The following EPM2A variants were observed in gnomAD, a reference collection of about 807,000 sequenced individuals.
EPM2A encodes the protein EPM2A glucan phosphatase, laforin.
Under a neutral mutation model 26.5 loss-of-function variants are expected in EPM2A, and 21 were observed. The ratio of observed to expected loss-of-function variants is 0.79; its 90% CI spans 0.56 to 1.14. The LOEUF is 1.14. Among genes scored for constraint, EPM2A ranks in the 50% most tolerant of loss-of-function variants. The pLI is 0.00. For synonymous variants in EPM2A, 217 were observed against 177.6 expected (o/e 1.22, Z -1.76); for missense variants, 458 against 440.8 (o/e 1.04, Z -0.35).
At chr6:145,671,534 CTAT>C (rs1466716033) in intron 2 of EPM2A, 1 of 286,092 alleles carries the variant, frequency 3.5e-6, no homozygotes, top group East Asian at 1.7e-4. Context: ...ATTTCCAGAA[CTAT>C]ACTTTTAATA....
intron 2 of EPM2A, among the ~76,000 whole-genome samples, chr6:145,617,816 C>T (rs1582900665): frequency 6.6e-6 from 1 of 152,066 alleles, no homozygotes; most frequent in African/African-American, 2.4e-5. Flanking sequence ...ATGGCAAACA[C>T]CGGTAGTCCC....
At chr6:145,406,410 T>C (rs1778570196) in intron 4 of EPM2A, among the ~76,000 whole-genome samples, 1 of 152,190 alleles carries the variant, frequency 6.6e-6, no homozygotes, top group South Asian at 2.1e-4. Context: ...AATGGCACTG[T>C]TATTGAAACT....
At chr6:145,584,870 C>T (rs1245968469) in intron 2 of EPM2A, among the ~76,000 whole-genome samples, 5 of 152,144 alleles carry the variant, frequency 3.3e-5, no homozygotes, top group Non-Finnish European at 5.9e-5. Context: ...TGTCCTGGTC[C>T]CTCCATGGGA....
intron 2 of EPM2A, among the ~76,000 whole-genome samples, chr6:145,507,162 T>G (rs1779987813): frequency 6.6e-6 from 1 of 152,240 alleles, no homozygotes; most frequent in South Asian, 2.1e-4. Flanking sequence ...TGCATTTTTA[T>G]TTCACCTTGG....
chr6:145,583,224 G>T (rs1217714743), intron 2 of EPM2A, among the ~76,000 whole-genome samples: 1 of 152,224 alleles, frequency 6.6e-6, no homozygotes, highest in Non-Finnish European at 1.5e-5. Context: ...GAGGTAAGAA[G>T]ACACTCTGGC....
At chr6:145,663,786 G>A (rs1778933295) in intron 2 of EPM2A, among the ~76,000 whole-genome samples, 1 of 113,276 alleles carries the variant, frequency 8.8e-6, no homozygotes, top group Non-Finnish European at 1.9e-5. Flanking sequence ...TACCCTCAAA[G>A]GGAAGCCCAT....
intron 2 of EPM2A, among the ~76,000 whole-genome samples, chr6:145,681,067 C>A (rs1780492126): frequency 6.6e-6 from 1 of 152,116 alleles, no homozygotes; most frequent in African/African-American, 2.4e-5. Context: ...TTTCCTGACT[C>A]TTGAATGATT....
chr6:145,704,936 G>A (rs978001938), intron 1 of EPM2A, among the ~76,000 whole-genome samples: 1 of 152,188 alleles, frequency 6.6e-6, no homozygotes, highest in East Asian at 1.9e-4. Flanking sequence ...TATGCTTTAA[G>A]ACAGCGTTGC....
At chr6:145,712,578 G>T (rs1002443021) in intron 1 of EPM2A, among the ~76,000 whole-genome samples, 1 of 152,072 alleles carries the variant, frequency 6.6e-6, no homozygotes, top group African/African-American at 2.4e-5. Context: ...GTCAAGAGAA[G>T]GTATCATGAC....
At position 145,404,497 on chromosome 6, in the gene EPM2A, A is replaced by C. The variant is rs922285653; in HGVS notation, c.556-20400T>G. On this transcript the variant is annotated intron_variant, in intron 4 of 4. Coordinates refer to the EPM2A transcript ENST00000638717. ...AGAATAAGGGCATATACCCTGAAAAATTCAAATTGAAGCTCGCCCTTCATT... is the reference window on the plus strand; with the variant it reads ...AGAATAAGGGCATATACCCTGAAAACTTCAAATTGAAGCTCGCCCTTCATT... Among the ~76,000 whole-genome samples the C allele has an allele frequency of 1.1e-4, 17 of 152,154 alleles. 1 individual carries two copies. Among genetic ancestry groups the C allele is most frequent in the Admixed American group, 9.2e-4 (14 of 15,240 alleles).
chr6:145,596,815 C>A (rs1435133820), intron 2 of EPM2A, among the ~76,000 whole-genome samples: 1 of 151,154 alleles, frequency 6.6e-6, no homozygotes, highest in Non-Finnish European at 1.5e-5. Flanking sequence ...GCCTTCAACA[C>A]ACTCATCCTA....
chr6:145,425,629 G>A (rs1360329799), intron 4 of EPM2A, among the ~76,000 whole-genome samples: 11 of 65,780 alleles, frequency 1.7e-4, no homozygotes. Flanking sequence ...ATTTGAGAAT[G>A]GCAAAAAAAA....
At chr6:145,674,324 G>A (rs1779864561) in intron 2 of EPM2A, among the ~76,000 whole-genome samples, 1 of 152,162 alleles carries the variant, frequency 6.6e-6, no homozygotes, top group Admixed American at 6.5e-5. Context: ...AAACCACAAA[G>A]ATAGAGAGAA....
At chr6:145,464,152 C>G (rs561180979) in intron 4 of EPM2A, among the ~76,000 whole-genome samples, 31 of 152,156 alleles carry the variant, frequency 2.0e-4, no homozygotes, top group African/African-American at 7.5e-4. Context: ...CAGATTCCCC[C>G]ATGCTGTTCT....
chr6:145,682,705 C>T (rs763385768), intron 2 of EPM2A: 1 of 152,030 alleles, frequency 6.6e-6, no homozygotes, highest in South Asian at 2.1e-4. Context: ...AATGAAGTTA[C>T]CATTTATCTT....
intron 2 of EPM2A, among the ~76,000 whole-genome samples, chr6:145,565,500 A>G (rs1780873219): frequency 6.6e-6 from 1 of 152,158 alleles, no homozygotes; most frequent in Non-Finnish European, 1.5e-5. Flanking sequence ...GTGATCTTAA[A>G]ACATGTACTT....
chr6:145,513,474 A>G (rs947293254), intron 2 of EPM2A, among the ~76,000 whole-genome samples: 1 of 152,208 alleles, frequency 6.6e-6, no homozygotes, highest in Non-Finnish European at 1.5e-5. Context: ...TTCAACCTCT[A>G]TGGAAAATAT....
At chr6:145,565,453 C>G (rs1301200582) in intron 2 of EPM2A, among the ~76,000 whole-genome samples, 4 of 152,146 alleles carry the variant, frequency 2.6e-5, no homozygotes, top group Non-Finnish European at 5.9e-5. Context: ...AAAATATGAA[C>G]TAAACTTTAG....
At chr6:145,414,704 A>T (rs1057274929) in intron 4 of EPM2A, among the ~76,000 whole-genome samples, 5 of 151,958 alleles carry the variant, frequency 3.3e-5, no homozygotes, top group Non-Finnish European at 7.4e-5. Context: ...CTACCCTCTG[A>T]CCTGCAAGTC....
Sources: gnomAD v4.1 joint callset for allele counts (sites outside exome capture counted in the v4.1 genomes callset) on GRCh38, gnomAD v4.1.1 for gene constraint, MANE v1.5 for transcripts, NCBI Gene and HGNC (gene_info 2026-07-23, HGNC 2026-07-21) for gene names.